The following EEF1A1 variants were observed in gnomAD, a reference collection of about 807,000 sequenced individuals.
The protein encoded by EEF1A1 is elongation factor 1-alpha 1.
A neutral mutation model predicts 38.5 loss-of-function variants in EEF1A1; 1 was observed. That is an observed-to-expected ratio of 0.03 (90% CI 0.01 to 0.12). The LOEUF is 0.12. Ranked by LOEUF, EEF1A1 falls within the 10% of genes least tolerant of loss-of-function variation. The pLI is 1.00. For missense variants in EEF1A1, 184 were observed against 588.3 expected (o/e 0.31, Z 7.11); for synonymous variants, 229 against 203.7 (o/e 1.12, Z -1.06).
intron 1 of EEF1A1, chr6:73,520,690 G>A (rs1258365742): frequency 3.3e-5 from 5 of 152,334 alleles, no homozygotes. Context: ...TATCTTGCCA[G>A]AAAAAAAGCG....
intron 1 of EEF1A1, chr6:73,520,736 G>A (rs1279018572): frequency 1.3e-5 from 2 of 152,414 alleles, no homozygotes; most frequent in South Asian, 2.1e-4. Flanking sequence ...AATGGCTAGA[G>A]ACTTATCGAA....
Position 73,516,048 on chromosome 6 carries a change from T to A in EEF1A1, c.*1762A>T, listed in dbSNP as rs1360538655. 6.6e-6 allele frequency: 1 copy of A among 152,220 alleles called. No homozygotes were observed. The highest frequency in any genetic ancestry group is 2.4e-5 in the African/African-American group (1 of 41,456). The allele number at this position is 152,220 out of a possible 1,614,324, so 9.4% of individuals were successfully genotyped here. A position where few individuals can be genotyped will look rare whatever the true frequency, so the allele number is the denominator to read the frequency against. ...CCTGTTTTTTCTGTCATCCAGCAAA[T>A]CTTAGACTATTTACTTGTGTAAACA... On this transcript the variant is annotated 3_prime_UTR_variant, in exon 8 of 8. Transcript: ENST00000309268.
chr6:73,517,748 A>G lies in EEF1A1; in HGVS notation c.*62T>C, dbSNP rs768163263. 1.0e-4 allele frequency: 89 copies of G among 874,392 alleles called. No homozygotes were observed. Among genetic ancestry groups the G allele is most frequent in the Non-Finnish European group, 1.4e-4 (82 of 568,704 alleles). The allele number at this position is 874,392 out of a possible 1,614,324, so 54.2% of individuals were successfully genotyped here. A position where few individuals can be genotyped will look rare whatever the true frequency, so the allele number is the denominator to read the frequency against. On this transcript the variant is annotated 3_prime_UTR_variant, in exon 8 of 8. Transcript: ENST00000309268. The stretch of plus-strand genomic sequence containing the variant: ...ACTTAAATGGCCAATTGAAACAAAC[A>G]GTTCTGAGACCGTTCTTCCACCACT...
rs1332880026 is a variant in EEF1A1, at chr6:73,516,170, G to C, written c.*1640C>G. The C allele has an allele frequency of 6.6e-6, 1 of 152,090 alleles. No homozygotes were observed. Among genetic ancestry groups the C allele is most frequent in the Non-Finnish European group, 1.5e-5 (1 of 68,026 alleles). 9.4% of individuals were successfully genotyped at this position (152,090 alleles called of 1,614,324 possible). On this transcript the variant is annotated 3_prime_UTR_variant, in exon 8 of 8. Transcript: ENST00000309268. ...ATGGGAAGGCATTTTATCTAATTCA[G>C]ACTCAGATGAGGGAAAACGATAACA...
intron 4 of EEF1A1, 40 bp from the exon 5 acceptor site, chr6:73,518,888 G>C (rs769368740): frequency 6.2e-7 from 1 of 1,610,658 alleles, no homozygotes; most frequent in Non-Finnish European, 8.5e-7. Context: ...GCATGAAATC[G>C]CCATTCCCAG....
rs370282121 is a variant in EEF1A1 at position 73,516,762 on chromosome 6, G to T, written c.*1048C>A. The T allele has an allele frequency of 3.3e-5, 5 of 152,160 alleles. No homozygotes were observed. Among genetic ancestry groups the T allele is most frequent in the East Asian group, 1.9e-4 (1 of 5,200 alleles). The allele number at this position is 152,160 out of a possible 1,614,324, so 9.4% of individuals were successfully genotyped here. On this transcript the variant is annotated 3_prime_UTR_variant, in exon 8 of 8. Coordinates refer to ENST00000309268, the MANE Select transcript of EEF1A1 (RefSeq NM_001402.6). The stretch of plus-strand genomic sequence containing the variant: ...CCTGTAATCCCAGCAGGAAGATCGC[G>T]AAAAGCATTTTTCAAATGCACAAAT...
At chr6:73,520,320 C>G (rs1436650684) in intron 1 of EEF1A1, 1 of 296,276 alleles carries the variant, frequency 3.4e-6, no homozygotes, top group Non-Finnish European at 6.3e-6. Flanking sequence ...GAAGCGACGG[C>G]TGAGGACGGA....
Position 73,518,690 on chromosome 6 carries a change from C to T in EEF1A1, c.772+8G>A. The T allele has an allele frequency of 6.2e-7, 1 of 1,613,918 alleles. No homozygotes were observed. Among genetic ancestry groups the T allele is most frequent in the Non-Finnish European group, 8.5e-7 (1 of 1,179,876 alleles). On this transcript the variant is annotated splice_region_variant and intron_variant, in intron 5 of 7. Coordinates refer to ENST00000309268, the MANE Select transcript of EEF1A1 (RefSeq NM_001402.6). Reference sequence around the variant, plus strand: ...ACTCAAATTCAACTTTGTTTACAGCCAACTTACCACCAATTTTGTAGACAT... The same window carrying T: ...ACTCAAATTCAACTTTGTTTACAGCTAACTTACCACCAATTTTGTAGACAT...
At chr6:73,518,301 G>A (rs1375880263) in intron 6 of EEF1A1, 37 bp from the exon 7 acceptor site, 2 of 1,610,998 alleles carry the variant, frequency 1.2e-6, no homozygotes, top group Non-Finnish European at 8.5e-7. Context: ...CAAATCCAAA[G>A]TCTCAAATGA....
At position 73,515,817 on chromosome 6, in the gene EEF1A1, CCA is replaced by C. The variant is rs1042363852; in HGVS notation, c.*1991_*1992del. The C allele has an allele frequency of 3.9e-5, 6 of 152,200 alleles. No individual in the cohort carries two copies. The highest frequency in any genetic ancestry group is 1.9e-4 in the East Asian group (1 of 5,204). The allele number at this position is 152,200 out of a possible 1,614,324, so 9.4% of individuals were successfully genotyped here. On this transcript the variant is annotated 3_prime_UTR_variant, in exon 8 of 8. Transcript: ENST00000309268. ...TGAATACCAGCAGGTGGTGCTCAAG[CCA>C]CAGTTGTCTAAGACACTGGGTTTCA...
Position 73,516,404 on chromosome 6 carries a change from G to GT in EEF1A1, c.*1405dup, listed in dbSNP as rs1336249887. 6.6e-6 allele frequency: 1 copy of GT among 151,950 alleles called. No individual in the cohort carries two copies. 9.4% of individuals were successfully genotyped at this position (151,950 alleles called of 1,614,324 possible). A position where few individuals can be genotyped will look rare whatever the true frequency, so the allele number is the denominator to read the frequency against. ...CCGAGGCGATCACCTAAGGTCAGGA[G>GT]TTTGAGACCAGCCTGACCAACATGG... On this transcript the variant is annotated 3_prime_UTR_variant, in exon 8 of 8. Coordinates refer to ENST00000309268, the MANE Select transcript of EEF1A1 (RefSeq NM_001402.6).
At position 73,518,820 on chromosome 6, in the gene EEF1A1, G is replaced by A; in HGVS notation, c.650C>T (p.Thr217Ile). 3.1e-6 allele frequency: 5 copies of A among 1,614,082 alleles called. No homozygotes were observed. Among genetic ancestry groups the A allele is most frequent in the Non-Finnish European group, 4.2e-6 (5 of 1,179,988 alleles). Reference protein sequence around the residue: ...NMPWFKGWKVTRKDGNASGTT... With the variant: ...NMPWFKGWKVIRKDGNASGTT... ...TCCACTGGCATTGCCATCCTTACGG[G>A]TGACTTTCCATCCCTTGAACCAAGG... Residue 217 changes from threonine (T) to isoleucine (I), a missense_variant, in exon 5 of 8, where the codon ACC becomes ATC. By Grantham distance (89) the Thr-to-Ile change is moderately conservative. Around this residue, in one of 3 missense-constraint regions of EEF1A1, gnomAD observed 46 missense variants for 73.9 expected, o/e 0.62. Transcript: ENST00000309268.
At position 73,518,600 on chromosome 6, in the gene EEF1A1, A is replaced by C. The variant is rs200161893; in HGVS notation, c.783T>G (p.Thr261=). 253 of 1,613,472 alleles carry C rather than the reference A, an allele frequency of 1.6e-4. No homozygotes were observed. The highest frequency in any genetic ancestry group is 3.3e-4 in the Middle Eastern group (2 of 6,082). Residue 261 remains threonine (T), a synonymous_variant, in exon 6 of 8, where the codon ACT becomes ACG. Coordinates refer to ENST00000309268, the MANE Select transcript of EEF1A1 (RefSeq NM_001402.6). ...QDVYKIGGIG[T]VPVGRVETGV... is the part of the protein sequence containing the mutation. The stretch of plus-strand genomic sequence containing the variant: ...CAGTCTCCACTCGGCCAACAGGAAC[A>C]GTACCAATACCTAAAAATATTTACA...
chr6:73,517,160 T>C lies in EEF1A1; in HGVS notation c.*650A>G, dbSNP rs1765538771. ...ACTGCCCAGTCATTTTAACCCACGT[T>C]TCAACATGCACATCCCAGTAATTTG... On this transcript the variant is annotated 3_prime_UTR_variant, in exon 8 of 8. Coordinates refer to ENST00000309268, the MANE Select transcript of EEF1A1 (RefSeq NM_001402.6). 6.6e-6 allele frequency: 1 copy of C among 152,324 alleles called. No individual in the cohort carries two copies. Among genetic ancestry groups the C allele is most frequent in the Non-Finnish European group, 1.5e-5 (1 of 68,130 alleles). 9.4% of individuals were successfully genotyped at this position (152,324 alleles called of 1,614,324 possible).
intron 1 of EEF1A1, chr6:73,520,702 CGCA>C (rs1765633904): frequency 6.6e-6 from 1 of 152,320 alleles, no homozygotes; most frequent in Non-Finnish European, 1.5e-5. Flanking sequence ...AAAAAAGCGT[CGCA>C]GCAGGTCATC....
Position 73,519,943 on chromosome 6 carries a change from G to T in EEF1A1, c.84C>A (p.Ile28=). 3 of 1,609,634 alleles carry T rather than the reference G, an allele frequency of 1.9e-6. No individual in the cohort carries two copies. Among genetic ancestry groups the T allele is most frequent in the East Asian group, 4.5e-5 (2 of 44,872 alleles). Residue 28 remains isoleucine, a synonymous_variant, in exon 2 of 8, where the codon ATC becomes ATA. Transcript: ENST00000309268. ...TTTTGTCGATGCCACCGCATTTATA[G>T]ATCAGATGGCCAGTAGTGGTGGACT... ...SGKSTTTGHL[I]YKCGGIDKRT...
Position 73,519,676 on chromosome 6 carries a change from A to G in EEF1A1, c.145-160T>C, listed in dbSNP as rs72961972. Among the ~76,000 whole-genome samples the G allele has an allele frequency of 5.7e-3, 873 of 152,332 alleles. 7 individuals are homozygous for G. Among genetic ancestry groups the G allele is most frequent in the Non-Finnish European group, 9.3e-3 (630 of 68,030 alleles). On this transcript the variant is annotated intron_variant, in intron 2 of 7. Coordinates refer to ENST00000309268, the MANE Select transcript of EEF1A1 (RefSeq NM_001402.6). ...AGAAGCAACCAAAAATCAAACTTTT[A>G]TAAGTCGGATCTTAACTATTAACAT...
rs1321911644 is a variant in EEF1A1 at position 73,517,707 on chromosome 6, A to T, written c.*103T>A. ...TTACGATGCATTGTTATCATTAACC[A>T]GTCTTTTACTACTAAACTTAAATGG... On this transcript the variant is annotated 3_prime_UTR_variant, in exon 8 of 8. Coordinates refer to ENST00000309268, the MANE Select transcript of EEF1A1 (RefSeq NM_001402.6). 1.7e-6 allele frequency: 1 copy of T among 598,058 alleles called. No homozygotes were observed. Among genetic ancestry groups the T allele is most frequent in the Non-Finnish European group, 2.9e-6 (1 of 342,982 alleles). The allele number at this position is 598,058 out of a possible 1,614,324, so 37.0% of individuals were successfully genotyped here. A position where few individuals can be genotyped will look rare whatever the true frequency, so the allele number is the denominator to read the frequency against.
At chr6:73,519,852 T>C (rs368012545) in intron 2 of EEF1A1, 31 bp downstream of exon 2, 35 of 1,611,472 alleles carry the variant, frequency 2.2e-5, no homozygotes, top group Non-Finnish European at 2.7e-5. Flanking sequence ...CTCATTTTAG[T>C]TGATCTTTCC....
Sources: gnomAD v4.1 joint callset for allele counts (sites outside exome capture counted in the v4.1 genomes callset) on GRCh38, gnomAD v4.1.1 for gene constraint, gnomAD v4.1.1 regional missense constraint, MANE v1.5 for transcripts, NCBI Gene and HGNC (gene_info 2026-07-23, HGNC 2026-07-21) for gene names.